PADI4: variants seen among roughly 807,000 people sequenced by gnomAD.
The protein encoded by PADI4 is protein-arginine deiminase type-4.
PADI4 carries 62 observed loss-of-function variants against 75.0 expected under a neutral mutation model. The observed-to-expected ratio is 0.83, with a 90% confidence interval of 0.67 to 1.02. The LOEUF (loss-of-function observed/expected upper bound fraction) is 1.02, where lower values mean the gene tolerates loss of function less well. PADI4 is among the 50% of genes least tolerant of loss of function. PADI4 has a pLI of 0.00. For synonymous variants in PADI4, 361 were observed against 348.1 expected (o/e 1.04, Z -0.41); for missense variants, 845 against 850.5 (o/e 0.99, Z 0.08).
At chr1:17,342,707 G>T (rs1748018) in intron 8 of PADI4, among the ~76,000 whole-genome samples, 13,506 of 152,232 alleles carry the variant, frequency 0.089, 640 homozygotes, top group African/African-American at 0.12. Context: ...GGGCACGGTG[G>T]CTCACGCCTG....
chr1:17,308,594 G>A (rs2073718806), intron 1 of PADI4, among the ~76,000 whole-genome samples: 1 of 152,156 alleles, frequency 6.6e-6, no homozygotes, highest in Non-Finnish European at 1.5e-5. Flanking sequence ...TGTCTTCATC[G>A]AGGCAACAGA....
chr1:17,351,234 A>C (rs1179611537), intron 10 of PADI4, among the ~76,000 whole-genome samples: 2 of 150,410 alleles, frequency 1.3e-5, no homozygotes, highest in Admixed American at 1.3e-4. Flanking sequence ...CTACAGGGAA[A>C]GACAGAGTAG....
chr1:17,342,125 G>A lies in PADI4; in HGVS notation c.831+4G>A. The A allele has an allele frequency of 6.2e-7, 1 of 1,613,144 alleles. No homozygotes were observed. On this transcript the variant is annotated splice_donor_region_variant and intron_variant, in intron 7 of 15. Transcript: ENST00000375448. Reference sequence around the variant, plus strand: ...CCTGCTGGACACGTCCAACCTGGTAGGCCGAGAAGGCAGCCCTGCATCGGG... The same window carrying A: ...CCTGCTGGACACGTCCAACCTGGTAAGCCGAGAAGGCAGCCCTGCATCGGG...
intron 1 of PADI4, among the ~76,000 whole-genome samples, chr1:17,310,763 C>G (rs147097190): frequency 7.2e-6 from 1 of 139,824 alleles, no homozygotes; most frequent in Non-Finnish European, 1.6e-5. Flanking sequence ...AATTTCGAGA[C>G]CAGCCTGGCC....
intron 1 of PADI4, among the ~76,000 whole-genome samples, chr1:17,323,374 G>A (rs2074064406): frequency 6.6e-6 from 1 of 152,186 alleles, no homozygotes; most frequent in Non-Finnish European, 1.5e-5. Flanking sequence ...CCATACTCAA[G>A]GGGAGAGAAT....
At chr1:17,353,285 C>T (rs1280883756) in intron 10 of PADI4, among the ~76,000 whole-genome samples, 1 of 151,994 alleles carries the variant, frequency 6.6e-6, no homozygotes, top group Non-Finnish European at 1.5e-5. Flanking sequence ...ATAGTGAGAC[C>T]CCATCTCTAC....
chr1:17,361,168 G>A (rs74511899), intron 15 of PADI4, among the ~76,000 whole-genome samples: 2,551 of 152,304 alleles, frequency 0.017, 78 homozygotes, highest in African/African-American at 0.057. Flanking sequence ...CTGGGGCTCC[G>A]GGGTGGTGCC....
chr1:17,313,534 A>G (rs1183176699), intron 1 of PADI4, among the ~76,000 whole-genome samples: 1 of 150,416 alleles, frequency 6.6e-6, no homozygotes, highest in Non-Finnish European at 1.5e-5. Flanking sequence ...AAAGGAAGGA[A>G]AGAAGGAAAG....
intron 1 of PADI4, among the ~76,000 whole-genome samples, chr1:17,313,941 A>C (rs1297515668): frequency 6.6e-6 from 1 of 152,238 alleles, no homozygotes; most frequent in African/African-American, 2.4e-5. Context: ...AGGAGCTGAG[A>C]ACATCTGGAA....
chr1:17,342,606 C>T (rs1437879832), intron 8 of PADI4, among the ~76,000 whole-genome samples: 4 of 152,146 alleles, frequency 2.6e-5, no homozygotes, highest in Non-Finnish European at 5.9e-5. Context: ...GCTGAGGCTA[C>T]GTTAACTCCC....
chr1:17,318,576 T>C (rs1339930799), intron 1 of PADI4, among the ~76,000 whole-genome samples: 4 of 152,236 alleles, frequency 2.6e-5, no homozygotes, highest in Non-Finnish European at 5.9e-5. Context: ...TGAGTGTGTC[T>C]TAATGTCTTG....
chr1:17,331,649 G>A (rs1179781377), intron 2 of PADI4, among the ~76,000 whole-genome samples: 1 of 152,112 alleles, frequency 6.6e-6, no homozygotes, highest in Admixed American at 6.5e-5. Context: ...CGGGCACAGT[G>A]GCTCACACCT....
At chr1:17,342,465 C>A in intron 8 of PADI4, 63 bp downstream of exon 8, 1 of 980,864 alleles carries the variant, frequency 1.0e-6, no homozygotes, top group Non-Finnish European at 1.6e-6. Context: ...CCATCCGCAG[C>A]ACTCACTGTG....
intron 10 of PADI4, among the ~76,000 whole-genome samples, chr1:17,351,423 T>G (rs1391637089): frequency 1.4e-5 from 2 of 142,274 alleles, no homozygotes; most frequent in African/African-American, 5.3e-5. Context: ...AAACCCTGTC[T>G]CTACAAAAAA....
chr1:17,308,323 G>A lies in PADI4; in HGVS notation c.92+9G>A, dbSNP rs1325401922. The A allele has an allele frequency of 6.2e-7, 1 of 1,607,682 alleles. No homozygotes were observed. The highest frequency in any genetic ancestry group is 8.5e-7 in the Non-Finnish European group (1 of 1,174,532). ...CAGCTTGACATCTGCAGGTAAGAGG[G>A]GGGCCTTCTGGGGTTTTGGAGGCAG... On this transcript the variant is annotated intron_variant, in intron 1 of 15. Transcript: ENST00000375448.
intron 1 of PADI4, among the ~76,000 whole-genome samples, chr1:17,311,779 C>T (rs56369380): frequency 6.6e-5 from 10 of 152,220 alleles, no homozygotes; most frequent in Non-Finnish European, 1.2e-4. Flanking sequence ...CCCGCCTCGG[C>T]CTCCCAAAGT....
rs143187209 is a variant in PADI4, at chr1:17,331,141, G to A, written c.265G>A (p.Asp89Asn). Residue 89 changes from aspartate to asparagine, a missense_variant, in exon 2 of 16, where the codon GAC becomes AAC. Asp to Asn is a conservative substitution (Grantham distance 23). Coordinates refer to ENST00000375448, the MANE Select transcript of PADI4 (RefSeq NM_012387.3). Reference protein sequence around the residue: ...TMKVASGSTGDQKVQISYYGP... With the variant: ...TMKVASGSTGNQKVQISYYGP... ...GAAAGTGGCCAGTGGTAGCACAGGC[G>A]ACCAGAAGGTGAGTGTCATAGCTGT... is the stretch of plus-strand genomic sequence containing the variant. The A allele has an allele frequency of 3.7e-4, 595 of 1,609,588 alleles. 1 individual carries two copies. The highest frequency in any genetic ancestry group is 4.7e-4 in the Non-Finnish European group (558 of 1,178,066).
At chr1:17,339,660 G>T in intron 5 of PADI4, 28 bp from the exon 6 acceptor site, 1 of 1,612,998 alleles carries the variant, frequency 6.2e-7, no homozygotes, top group South Asian at 1.1e-5. Flanking sequence ...AGGGCCCTGT[G>T]ACTCAGGCAA....
intron 1 of PADI4, among the ~76,000 whole-genome samples, chr1:17,317,720 G>A (rs919754687): frequency 1.3e-5 from 2 of 151,914 alleles, no homozygotes; most frequent in Non-Finnish European, 2.9e-5. Context: ...TCTGGAGAGC[G>A]TGTTAAAACA....
Sources: allele counts gnomAD v4.1 joint callset (sites outside exome capture counted in the v4.1 genomes callset), GRCh38; gene constraint gnomAD v4.1.1; transcripts MANE v1.5; gene names NCBI Gene and HGNC (gene_info 2026-07-23, HGNC 2026-07-21).